Variants in MICAL3 observed in about 807,000 individuals in gnomAD.
The protein encoded by MICAL3 is [F-actin]-monooxygenase MICAL3.
A neutral mutation model predicts 207.4 loss-of-function variants in MICAL3; 62 were observed. The observed-to-expected ratio is 0.30, with a 90% CI of 0.24 to 0.37. MICAL3 has a LOEUF of 0.37. Among genes scored for constraint, MICAL3 ranks in the 10% least tolerant of loss-of-function variants. The probability of loss-of-function intolerance (pLI) is 1.00; values close to 1 mark genes in which losing one functional copy is unlikely to be tolerated. For synonymous variants in MICAL3, 1,077 were observed against 1,069.3 expected, an observed-to-expected ratio of 1.01 and a Z score of -0.14; for missense variants, 2,368 against 2,635.6, an observed-to-expected ratio of 0.90 and a Z score of 2.22.
chr22:17,954,574 T>C (rs928571149), intron 1 of MICAL3, among the ~76,000 whole-genome samples: 9 of 152,072 alleles, frequency 5.9e-5, no homozygotes, highest in East Asian at 1.9e-4. Context: ...AGGAAGTACA[T>C]AGATGGGCCT....
rs1457268457 is a variant in MICAL3, at chr22:17,818,114, C to G, written c.4547G>C (p.Ser1516Thr). The change falls in exon 26 of 32, where the codon AGC (serine) becomes ACC (threonine). Residue 1516 changes from serine to threonine, a missense_variant. Physicochemically the swap from Ser to Thr is moderately conservative, Grantham distance 58 (BLOSUM62 1). Transcript: ENST00000441493. ...REEVRKSFVE[S>T]VEEIPFADDV... is the part of the protein sequence containing the mutation. ...ATCAGCAAAGGGAATCTCCTCCACG[C>G]TCTCCACAAACGACTTCCGCACCTC... The G allele has an allele frequency of 1.6e-5, 26 of 1,611,982 alleles. No homozygotes were observed. The highest frequency in any genetic ancestry group is 2.2e-5 in the Non-Finnish European group (26 of 1,179,362).
chr22:17,902,129 T>TGGCTC lies in MICAL3; in HGVS notation c.590-155_590-151dup. ...CAGTGGAGACAGAGGCTGTGCACGG[T>TGGCTC]GGCTCGTGCCTCTAATCCCAGCACT... On this transcript the variant is annotated intron_variant, in intron 4 of 31. Coordinates refer to ENST00000441493, the MANE Select transcript of MICAL3 (RefSeq NM_015241.3). The surrounding 1 kb of genome is among the most constrained non-coding windows in gnomAD (Gnocchi z 4.5). The TGGCTC allele has an allele frequency of 1.6e-6, 1 of 623,526 alleles. No homozygotes were observed. The highest frequency in any genetic ancestry group is 2.0e-5 in the South Asian group (1 of 49,808). The allele number at this position is 623,526 out of a possible 1,614,324, so 38.6% of individuals were successfully genotyped here.
At chr22:18,001,230 G>A in intron 1 of MICAL3, 1 of 151,996 alleles carries the variant, frequency 6.6e-6, no homozygotes, top group South Asian at 2.1e-4. Context: ...CTTCGGCACT[G>A]CCCGGGCGGG....
intron 16 of MICAL3, chr22:17,872,758 T>G: frequency 1.9e-6 from 3 of 1,607,492 alleles, no homozygotes; most frequent in Non-Finnish European, 2.6e-6. Flanking sequence ...AGTTCCTTCT[T>G]GTCTAGAAGG....
At chr22:17,822,854 C>T (rs1921796617) in intron 23 of MICAL3, 93 bp downstream of exon 23, 5 of 734,464 alleles carry the variant, frequency 6.8e-6, no homozygotes, top group South Asian at 1.8e-5. Context: ...GGAGGCCCAA[C>T]GGCGGCCTCA....
chr22:17,817,526 T>G lies in MICAL3; in HGVS notation c.5135A>C (p.Lys1712Thr). 3.1e-6 allele frequency: 5 copies of G among 1,613,674 alleles called. No individual in the cohort carries two copies. Residue 1712 changes from lysine (K) to threonine (T), a missense_variant, in exon 26 of 32, where the codon AAG becomes ACG. Around this residue, in one of 4 missense-constraint regions of MICAL3, gnomAD observed 1,770 missense variants for 1,863.2 expected, o/e 0.95. Coordinates refer to ENST00000441493, the MANE Select transcript of MICAL3 (RefSeq NM_015241.3). ...GGGCCGGCCCTCGCCTTTGGACTTC[T>G]TCTCCTTCTTGTTTCTGCGGGGGGA... ...LFSPRRNKKE[K>T]KSKGEGRPPE...
chr22:17,821,939 T>C (rs1921695124), intron 24 of MICAL3, 91 bp downstream of exon 24: 1 of 1,517,412 alleles, frequency 6.6e-7, no homozygotes, highest in Non-Finnish European at 8.9e-7. Flanking sequence ...ATGGCTCTGC[T>C]CTGAAGCGCC....
At chr22:17,982,415 G>A (rs988637576) in intron 1 of MICAL3, among the ~76,000 whole-genome samples, 8 of 152,354 alleles carry the variant, frequency 5.3e-5, no homozygotes, top group Middle Eastern at 3.4e-3. Flanking sequence ...GGTGGCTCAT[G>A]CCTGTAATCC....
At chr22:17,800,934 G>A (rs2061930548) in intron 29 of MICAL3, among the ~76,000 whole-genome samples, 1 of 152,100 alleles carries the variant, frequency 6.6e-6, no homozygotes, top group South Asian at 2.1e-4. Context: ...GCGAGAACAG[G>A]GCCTAAAGTC....
chr22:17,982,160 C>T (rs766395177), intron 1 of MICAL3, among the ~76,000 whole-genome samples: 1 of 152,048 alleles, frequency 6.6e-6, no homozygotes, highest in African/African-American at 2.4e-5. Context: ...TGGTAGGCCA[C>T]GGCTCACTAC....
intron 3 of MICAL3, among the ~76,000 whole-genome samples, chr22:17,903,121 C>G (rs1038397497): frequency 6.6e-6 from 1 of 152,260 alleles, no homozygotes; most frequent in African/African-American, 2.4e-5. Flanking sequence ...TGTGCACCCA[C>G]AGGGTGCAGC....
rs1931430553 is a variant in MICAL3, at chr22:17,902,806, T to G, written c.473-59A>C. On this transcript the variant is annotated intron_variant, in intron 3 of 31. Coordinates refer to ENST00000441493, the MANE Select transcript of MICAL3 (RefSeq NM_015241.3). The surrounding 1 kb of genome is among the most constrained non-coding windows in gnomAD (Gnocchi z 4.5). ...ACATGGAGAAGGGGGTACCCATCCG[T>G]GTCGCAGCTCAGGCTCCCACCCCGC... is the stretch of plus-strand genomic sequence containing the variant. The G allele has an allele frequency of 2.7e-6, 3 of 1,098,210 alleles. No homozygotes were observed. In the South Asian group the frequency reaches 4.2e-5, roughly 15 times the overall value. The allele number at this position is 1,098,210 out of a possible 1,614,324, so 68.0% of individuals were successfully genotyped here. A position where few individuals can be genotyped will look rare whatever the true frequency, so the allele number is the denominator to read the frequency against.
intron 27 of MICAL3, chr22:17,813,677 A>C (rs888597044): frequency 2.0e-5 from 3 of 152,214 alleles, no homozygotes; most frequent in Admixed American, 2.0e-4. Flanking sequence ...GTCAATAGCA[A>C]TGGGGGGCAG....
At chr22:17,907,365 G>A (rs1931813934) in intron 1 of MICAL3, among the ~76,000 whole-genome samples, 2 of 152,188 alleles carry the variant, frequency 1.3e-5, no homozygotes, top group African/African-American at 4.8e-5. Context: ...AAGAGGCAAG[G>A]ATAACTCCCA....
rs1044862142 is a variant in MICAL3 at position 17,876,241 on chromosome 22, T to A, written c.2242-4218A>T. 1.1e-4 allele frequency among the ~76,000 whole-genome samples: 17 copies of A among 152,252 alleles called. No homozygotes were observed. In the South Asian group the frequency reaches 2.5e-3, roughly 22 times the overall value. On this transcript the variant is annotated intron_variant, in intron 16 of 31. Coordinates refer to ENST00000441493, the MANE Select transcript of MICAL3 (RefSeq NM_015241.3). The stretch of plus-strand genomic sequence containing the variant: ...TGGGCCCATGCAGCTAGGAACCCAG[T>A]CCCCAGAGATTGAGGCAGTGACCGA...
intron 16 of MICAL3, among the ~76,000 whole-genome samples, chr22:17,873,507 G>A (rs1186456969): frequency 6.6e-6 from 1 of 152,250 alleles, no homozygotes; most frequent in Non-Finnish European, 1.5e-5. Flanking sequence ...AGCATGATGA[G>A]GCCCGTGTGG....
chr22:17,960,267 T>C (rs1934842738), intron 1 of MICAL3, among the ~76,000 whole-genome samples: 1 of 152,092 alleles, frequency 6.6e-6, no homozygotes, highest in Non-Finnish European at 1.5e-5. Context: ...TCACTGGGGG[T>C]CAGCGATTCA....
intron 1 of MICAL3, among the ~76,000 whole-genome samples, chr22:17,910,971 C>T (rs1282040719): frequency 6.6e-6 from 1 of 151,914 alleles, no homozygotes; most frequent in African/African-American, 2.4e-5. Context: ...AACTGAAAAG[C>T]CAAGGTGTGC....
At chr22:17,990,615 C>T (rs1253353693) in intron 1 of MICAL3, among the ~76,000 whole-genome samples, 1 of 152,190 alleles carries the variant, frequency 6.6e-6, no homozygotes, top group East Asian at 1.9e-4. Context: ...ACAGCACAGT[C>T]GGGTTCCAGA....
Sources: allele counts gnomAD v4.1 joint callset (sites outside exome capture counted in the v4.1 genomes callset), GRCh38; gene constraint gnomAD v4.1.1; regional missense constraint gnomAD v4.1.1; non-coding constraint Gnocchi (gnomAD v3.1); transcripts MANE v1.5; gene names NCBI Gene and HGNC (gene_info 2026-07-23, HGNC 2026-07-21).